KCNIP4: variants seen among roughly 807,000 people sequenced by gnomAD.
KCNIP4 encodes the protein Kv channel-interacting protein 4.
In KCNIP4, 12 loss-of-function variants were observed where a neutral mutation model predicts 34.0. The observed-to-expected ratio is 0.35, with a 90% CI of 0.23 to 0.57. The LOEUF (loss-of-function observed/expected upper bound fraction) is 0.57. Among genes scored for constraint, KCNIP4 ranks in the 20% least tolerant of loss-of-function variants. KCNIP4 has a pLI of 0.83. For missense variants in KCNIP4, 238 were observed against 311.7 expected, an observed-to-expected ratio of 0.76 and a Z score of 1.78; for synonymous variants, 124 against 102.2, an observed-to-expected ratio of 1.21 and a Z score of -1.29.
chr4:21,598,803 A>T (rs1003997069), intron 1 of KCNIP4, among the ~76,000 whole-genome samples: 4 of 152,046 alleles, frequency 2.6e-5, no homozygotes, highest in Non-Finnish European at 5.9e-5. Flanking sequence ...CTCCCAACTC[A>T]TCCAATTTAC....
intron 1 of KCNIP4, among the ~76,000 whole-genome samples, chr4:21,188,937 G>A (rs1249569306): frequency 1.3e-5 from 2 of 152,230 alleles, no homozygotes; most frequent in African/African-American, 2.4e-5. Context: ...AGAACAGGTT[G>A]TGGTGAGGAG....
At chr4:21,838,316 T>C (rs1011927739) in intron 1 of KCNIP4, among the ~76,000 whole-genome samples, 1 of 152,178 alleles carries the variant, frequency 6.6e-6, no homozygotes, top group Non-Finnish European at 1.5e-5. Context: ...ATTATTCTCA[T>C]GGTATTGAAA....
At chr4:21,576,241 T>G (rs1740733691) in intron 1 of KCNIP4, among the ~76,000 whole-genome samples, 1 of 152,098 alleles carries the variant, frequency 6.6e-6, no homozygotes, top group Non-Finnish European at 1.5e-5. Context: ...CATTGGAGAT[T>G]CTAAGAAATC....
chr4:21,209,222 A>G (rs1462706305), intron 1 of KCNIP4, among the ~76,000 whole-genome samples: 1 of 152,198 alleles, frequency 6.6e-6, no homozygotes, highest in Non-Finnish European at 1.5e-5. Context: ...GGTAATTAAC[A>G]TATCCGTCAT....
At chr4:21,114,844 C>T (rs1021032825) in intron 1 of KCNIP4, among the ~76,000 whole-genome samples, 5 of 152,134 alleles carry the variant, frequency 3.3e-5, no homozygotes, top group African/African-American at 7.2e-5. Flanking sequence ...CAAATCTCTT[C>T]GACTCTAAAT....
chr4:21,313,131 A>G (rs1713370122), intron 1 of KCNIP4, among the ~76,000 whole-genome samples: 1 of 152,210 alleles, frequency 6.6e-6, no homozygotes, highest in Admixed American at 6.5e-5. Context: ...TGCATAATTC[A>G]CTTATTATGA....
At chr4:21,015,898 A>G (rs866510902) in intron 1 of KCNIP4, among the ~76,000 whole-genome samples, 14 of 142,908 alleles carry the variant, frequency 9.8e-5, no homozygotes, top group African/African-American at 2.3e-4. Context: ...AATATATACA[A>G]TATAATATGT....
chr4:21,324,550 G>A (rs1014059774), intron 1 of KCNIP4, among the ~76,000 whole-genome samples: 2 of 151,900 alleles, frequency 1.3e-5, no homozygotes, highest in East Asian at 3.9e-4. Flanking sequence ...CAAAAAATGA[G>A]TTGAGTGTAG....
chr4:21,879,991 A>G (rs74393616), intron 1 of KCNIP4, among the ~76,000 whole-genome samples: 1 of 152,072 alleles, frequency 6.6e-6, no homozygotes, highest in African/African-American at 2.4e-5. Flanking sequence ...CCCTTCCACC[A>G]TGATTGTAAG....
At chr4:20,886,489 G>C (rs1422231998) in intron 1 of KCNIP4, among the ~76,000 whole-genome samples, 1 of 152,178 alleles carries the variant, frequency 6.6e-6, no homozygotes, top group African/African-American at 2.4e-5. Flanking sequence ...TATTGACTAA[G>C]GGCTGGGATA....
At chr4:20,846,914 G>C (rs1362758238) in intron 3 of KCNIP4, among the ~76,000 whole-genome samples, 1 of 152,186 alleles carries the variant, frequency 6.6e-6, no homozygotes. Context: ...GAATCACCAA[G>C]CATAGTAGCC....
chr4:21,625,047 C>G (rs183406757), intron 1 of KCNIP4, among the ~76,000 whole-genome samples: 1 of 152,078 alleles, frequency 6.6e-6, no homozygotes, highest in African/African-American at 2.4e-5. Context: ...AATTATGAAG[C>G]ACAGCAAACC....
chr4:20,798,973 T>C (rs767398663), intron 3 of KCNIP4, among the ~76,000 whole-genome samples: 1 of 152,188 alleles, frequency 6.6e-6, no homozygotes, highest in Non-Finnish European at 1.5e-5. Flanking sequence ...GCTACTGCAC[T>C]ACACCATTTT....
rs536024849 is a variant in KCNIP4, at chr4:20,956,511, A to AT, written c.62-73803_62-73802insA. 2.8e-3 allele frequency among the ~76,000 whole-genome samples: 432 copies of AT among 151,912 alleles called. 3 individuals carry two copies. Among genetic ancestry groups the AT allele is most frequent in the African/African-American group, 9.8e-3 (406 of 41,360 alleles). Reference sequence around the variant, plus strand: ...CAGTGCAAGACTTCCTTCCAAAAAAAAAAAGTTTTCTCTTACTTTATTATT... The same window carrying AT: ...CAGTGCAAGACTTCCTTCCAAAAAAATAAAAGTTTTCTCTTACTTTATTATT... On this transcript the variant is annotated intron_variant, in intron 1 of 8. Coordinates refer to ENST00000382152, the MANE Select transcript of KCNIP4 (RefSeq NM_025221.6).
At chr4:20,963,466 A>T (rs370436901) in intron 1 of KCNIP4, among the ~76,000 whole-genome samples, 3 of 152,278 alleles carry the variant, frequency 2.0e-5, no homozygotes, top group East Asian at 3.9e-4. Flanking sequence ...GGAGTCATGT[A>T]ACTCTGCTAT....
intron 1 of KCNIP4, among the ~76,000 whole-genome samples, chr4:21,861,649 T>C (rs1578082240): frequency 4.4e-5 from 3 of 68,394 alleles, no homozygotes; most frequent in Non-Finnish European, 5.8e-5. Flanking sequence ...AGAGTGAGAC[T>C]CCGTCTCAAA....
Position 21,769,795 on chromosome 4 carries a change from T to C in KCNIP4, c.61+178776A>G, listed in dbSNP as rs568125198. ...TAATGGGCTAGCCATCTCTCCTCCA[T>C]AGCATTCCACACTTATAAATTCTGT... On this transcript the variant is annotated intron_variant, in intron 1 of 8. Transcript: ENST00000382152. 4.6e-5 allele frequency among the ~76,000 whole-genome samples: 7 copies of C among 152,196 alleles called. No individual in the cohort carries two copies. The South Asian group carries it at 1.0e-3, about 23-fold the overall frequency.
chr4:21,553,035 G>C (rs1291432423), intron 1 of KCNIP4, among the ~76,000 whole-genome samples: 1 of 151,904 alleles, frequency 6.6e-6, no homozygotes, highest in African/African-American at 2.4e-5. Context: ...GCCAGTGGGG[G>C]TTGAGGGGGG....
chr4:21,072,173 G>A (rs1745005109), intron 1 of KCNIP4, among the ~76,000 whole-genome samples: 1 of 152,156 alleles, frequency 6.6e-6, no homozygotes, highest in African/African-American at 2.4e-5. Context: ...TGGGATGGCT[G>A]GGTCAAATGG....
Sources: allele counts gnomAD v4.1 joint callset (sites outside exome capture counted in the v4.1 genomes callset), GRCh38; gene constraint gnomAD v4.1.1; transcripts MANE v1.5; gene names NCBI Gene and HGNC (gene_info 2026-07-23, HGNC 2026-07-21).